The following CLSTN1 variants were observed in gnomAD, a reference collection of about 807,000 sequenced individuals.
CLSTN1 encodes calsyntenin 1, also known as calsyntenin-1.
CLSTN1 carries 28 observed loss-of-function variants against 108.3 expected under a neutral mutation model. The observed-to-expected ratio is 0.26, with a 90% CI of 0.19 to 0.35. The LOEUF is 0.35. Ranked by LOEUF, CLSTN1 falls within the 10% of genes least tolerant of loss-of-function variation. CLSTN1 has a pLI of 1.00. For missense variants in CLSTN1, 1,157 were observed against 1,302.6 expected, an observed-to-expected ratio of 0.89 and a Z score of 1.72; for synonymous variants, 524 against 534.9, an observed-to-expected ratio of 0.98 and a Z score of 0.28.
intron 1 of CLSTN1, among the ~76,000 whole-genome samples, chr1:9,783,357 T>C (rs865875889): frequency 4.0e-5 from 6 of 151,698 alleles, no homozygotes; most frequent in East Asian, 3.9e-4. Context: ...GGTAGGAGGA[T>C]TGCTTGAGCC....
intron 4 of CLSTN1, among the ~76,000 whole-genome samples, chr1:9,753,762 C>G (rs1651673558): frequency 1.3e-5 from 2 of 152,198 alleles, no homozygotes; most frequent in South Asian, 4.1e-4. Flanking sequence ...CTGCCTCGGC[C>G]TCCCAAAGTG....
intron 1 of CLSTN1, among the ~76,000 whole-genome samples, chr1:9,795,523 T>C (rs1036149256): frequency 3.3e-5 from 5 of 151,372 alleles, no homozygotes; most frequent in African/African-American, 9.7e-5. Flanking sequence ...ATTCTGCCAC[T>C]GAGTCACTGA....
At chr1:9,760,693 T>G (rs888679169) in intron 2 of CLSTN1, among the ~76,000 whole-genome samples, 4 of 146,796 alleles carry the variant, frequency 2.7e-5, no homozygotes, top group East Asian at 2.0e-4. Context: ...GGTTTTTTTT[T>G]TTTTTTTTTT....
rs148442003 is a variant in CLSTN1, at chr1:9,734,083, C to A, written c.2170G>T (p.Val724Leu). ...VHDLDTCEVTVEGEELNHEQE... is the reference protein window; with the variant it reads ...VHDLDTCEVTLEGEELNHEQE... ...TCGTGGTTCAGCTCCTCTCCCTCCA[C>A]CGTGACCTCACAGGTATCCAGGTCG... The change falls in exon 15 of 19, where the codon GTG (valine) becomes TTG (leucine). Residue 724 changes from valine (V) to leucine (L), a missense_variant. Transcript: ENST00000377298. This position sits in a 1 kb window ranked among gnomAD's most constrained non-coding sequence, Gnocchi z 4.8. 107 of 1,614,088 alleles carry A rather than the reference C, an allele frequency of 6.6e-5. No individual in the cohort carries two copies. Among genetic ancestry groups the A allele is most frequent in the Non-Finnish European group, 9.1e-5 (107 of 1,180,050 alleles).
intron 7 of CLSTN1, 113 bp from the exon 8 acceptor site, chr1:9,744,756 C>G: frequency 9.6e-7 from 1 of 1,046,904 alleles, no homozygotes; most frequent in Non-Finnish European, 1.3e-6. Context: ...CTCCAGTTTA[C>G]TTTTTTTTTT....
Position 9,764,343 on chromosome 1 carries a change from A to G in CLSTN1, c.215-7833T>C, listed in dbSNP as rs908951605. Among the ~76,000 whole-genome samples the G allele has an allele frequency of 9.9e-5, 15 of 152,116 alleles. No homozygotes were observed. The Middle Eastern group carries it at 0.017, about 172-fold the overall frequency. On this transcript the variant is annotated intron_variant, in intron 2 of 18. Coordinates refer to ENST00000377298, the MANE Select transcript of CLSTN1 (RefSeq NM_001009566.3). Reference sequence around the variant, plus strand: ...ATTAGGCCCCACCTCCAACAATGGGATCAAGTTTCAGTTAGGGGCACCATG... The same window carrying G: ...ATTAGGCCCCACCTCCAACAATGGGGTCAAGTTTCAGTTAGGGGCACCATG...
At chr1:9,735,658 A>G in intron 12 of CLSTN1, 43 bp from the exon 13 acceptor site, 2 of 1,611,722 alleles carry the variant, frequency 1.2e-6, no homozygotes, top group South Asian at 2.2e-5. Context: ...ATAAGCCAGT[A>G]ACCGCAGGAG....
intron 1 of CLSTN1, among the ~76,000 whole-genome samples, chr1:9,804,956 T>C (rs904464930): frequency 2.6e-5 from 4 of 151,914 alleles, no homozygotes; most frequent in Non-Finnish European, 5.9e-5. Flanking sequence ...ACCCCGTCTC[T>C]ACTAAAAATA....
intron 1 of CLSTN1, among the ~76,000 whole-genome samples, chr1:9,777,863 C>T (rs1248882009): frequency 1.3e-5 from 2 of 152,246 alleles, no homozygotes. Context: ...TCTGCCCTCT[C>T]GCATCCTGCC....
intron 2 of CLSTN1, among the ~76,000 whole-genome samples, chr1:9,771,765 G>A (rs575585739): frequency 6.6e-6 from 1 of 152,284 alleles, no homozygotes; most frequent in Non-Finnish European, 1.5e-5. Flanking sequence ...AACAACTTGG[G>A]AGGCTCTATC....
chr1:9,771,436 A>T (rs1172980764), intron 2 of CLSTN1, among the ~76,000 whole-genome samples: 1 of 152,178 alleles, frequency 6.6e-6, no homozygotes, highest in African/African-American at 2.4e-5. Flanking sequence ...CAATATGGTG[A>T]AACCCCATCT....
chr1:9,737,451 T>C, intron 11 of CLSTN1, 47 bp downstream of exon 11: 1 of 1,549,766 alleles, frequency 6.5e-7, no homozygotes, highest in Non-Finnish European at 8.9e-7. Flanking sequence ...ATCAGTCTCA[T>C]CTTTAAATGA....
At chr1:9,786,296 C>T (rs1653482768) in intron 1 of CLSTN1, among the ~76,000 whole-genome samples, 1 of 152,118 alleles carries the variant, frequency 6.6e-6, no homozygotes, top group Admixed American at 6.5e-5. Flanking sequence ...ATTCACTTTT[C>T]CCAGGACAAG....
chr1:9,730,667 T>C lies in CLSTN1; in HGVS notation c.2787A>G (p.Glu929=), dbSNP rs960788411. ...CCTCGCTTTCCTCTTCCTCTTCCTCTTCCTCCTCCTCCTCACTGCTGTGCT... is the reference window on the plus strand; with the variant it reads ...CCTCGCTTTCCTCTTCCTCTTCCTCCTCCTCCTCCTCCTCACTGCTGTGCT... ...EDQHSSEEEE[E]EEEEEESEDG... is the part of the protein sequence containing the mutation. The change falls in exon 19 of 19, where the codon GAA becomes GAG. Residue 929 remains glutamate, a synonymous_variant. Transcript: ENST00000377298. This position sits in a 1 kb window ranked among gnomAD's most constrained non-coding sequence, Gnocchi z 5.6. 12 of 1,608,824 alleles carry C rather than the reference T, an allele frequency of 7.5e-6. No individual in the cohort carries two copies. The highest frequency in any genetic ancestry group is 4.0e-5 in the African/African-American group (3 of 74,796).
intron 10 of CLSTN1, among the ~76,000 whole-genome samples, chr1:9,739,438 G>C (rs11588785): frequency 0.45 from 68,558 of 152,088 alleles, 17,499 homozygotes; most frequent in Non-Finnish European, 0.57. Flanking sequence ...CTATATTTCA[G>C]TTTAACTGAT....
intron 10 of CLSTN1, 119 bp from the exon 11 acceptor site, chr1:9,737,673 G>A (rs755505233): frequency 6.3e-5 from 54 of 853,962 alleles, no homozygotes; most frequent in Non-Finnish European, 7.0e-5. Context: ...AAATTCCCTC[G>A]TGATCCCGCT....
At chr1:9,780,288 A>T (rs1411950366) in intron 1 of CLSTN1, among the ~76,000 whole-genome samples, 1 of 152,240 alleles carries the variant, frequency 6.6e-6, no homozygotes, top group Non-Finnish European at 1.5e-5. Context: ...CTAAAACTAA[A>T]TATTCTTCTA....
intron 10 of CLSTN1, among the ~76,000 whole-genome samples, chr1:9,739,065 T>C (rs2101085778): frequency 6.6e-6 from 1 of 152,300 alleles, no homozygotes; most frequent in African/African-American, 2.4e-5. Context: ...CAGAGTCCAG[T>C]GCAAGGGTCA....
intron 1 of CLSTN1, among the ~76,000 whole-genome samples, chr1:9,812,912 C>T (rs1365436700): frequency 6.6e-6 from 1 of 151,674 alleles, no homozygotes; most frequent in Non-Finnish European, 1.5e-5. Context: ...GCCCATAATC[C>T]TAGCACTCTG....
Sources: gnomAD v4.1 joint callset for allele counts (sites outside exome capture counted in the v4.1 genomes callset) on GRCh38, gnomAD v4.1.1 for gene constraint, Gnocchi (gnomAD v3.1) non-coding constraint, MANE v1.5 for transcripts, NCBI Gene and HGNC (gene_info 2026-07-23, HGNC 2026-07-21) for gene names.